Variants in PLPPR5 observed in about 807,000 individuals in gnomAD.
The protein encoded by PLPPR5 is phospholipid phosphatase-related protein type 5.
Under a neutral mutation model 33.9 loss-of-function variants are expected in PLPPR5, and 16 were observed. The ratio of observed to expected loss-of-function variants is 0.47; its 90% CI spans 0.32 to 0.72. The LOEUF (loss-of-function observed/expected upper bound fraction) is 0.72. PLPPR5 is among the 30% of genes least tolerant of loss of function. The pLI is 0.03. For synonymous variants in PLPPR5, 163 were observed against 150.3 expected (o/e 1.08, Z -0.62); for missense variants, 301 against 406.7 (o/e 0.74, Z 2.23).
intron 1 of PLPPR5, among the ~76,000 whole-genome samples, chr1:98,985,229 A>G (rs1418515853): frequency 6.6e-6 from 1 of 152,002 alleles, no homozygotes; most frequent in African/African-American, 2.4e-5. Flanking sequence ...AGGATTGATA[A>G]TAACTGAGTT....
chr1:98,968,379 T>C (rs1373888103), intron 1 of PLPPR5, among the ~76,000 whole-genome samples: 3 of 152,084 alleles, frequency 2.0e-5, no homozygotes, highest in Admixed American at 1.3e-4. Context: ...TTTTCTAAAA[T>C]ACCCATTAGA....
intron 3 of PLPPR5, among the ~76,000 whole-genome samples, chr1:98,946,100 C>G (rs1650539702): frequency 6.6e-6 from 1 of 152,124 alleles, no homozygotes. Flanking sequence ...AATCCAAATC[C>G]AAATCCAAAT....
chr1:98,905,209 G>C (rs7529415), intron 5 of PLPPR5, among the ~76,000 whole-genome samples: 26,269 of 152,056 alleles, frequency 0.17, 2,518 homozygotes, highest in Non-Finnish European at 0.21. Context: ...ATTGCTTACA[G>C]GATAAGAATC....
intron 5 of PLPPR5, among the ~76,000 whole-genome samples, chr1:98,903,361 A>G (rs992311828): frequency 6.6e-6 from 1 of 152,136 alleles, no homozygotes; most frequent in African/African-American, 2.4e-5. Flanking sequence ...GATTTGCATT[A>G]TAGAAAATCA....
chr1:99,005,729 C>T (rs973579857), upstream of PLPPR5, among the ~76,000 whole-genome samples: 1 of 152,182 alleles, frequency 6.6e-6, no homozygotes, highest in African/African-American at 2.4e-5. Context: ...TGCAGGGATT[C>T]CTCAGGGGTC....
chr1:98,978,974 TA>T (rs1651964522), intron 1 of PLPPR5, among the ~76,000 whole-genome samples: 1 of 152,034 alleles, frequency 6.6e-6, no homozygotes. Flanking sequence ...ATTGAGTTGC[TA>T]AAACGCATGT....
At chr1:98,898,734 G>A (rs1648576217) in intron 5 of PLPPR5, among the ~76,000 whole-genome samples, 1 of 152,106 alleles carries the variant, frequency 6.6e-6, no homozygotes, top group African/African-American at 2.4e-5. Context: ...AGTTTTCTTG[G>A]GAAAGGTGAC....
intron 5 of PLPPR5, among the ~76,000 whole-genome samples, chr1:98,905,770 G>A (rs1648872358): frequency 6.6e-6 from 1 of 151,768 alleles, no homozygotes; most frequent in African/African-American, 2.4e-5. Context: ...CTAGTTACTG[G>A]TATATTACTC....
At chr1:98,947,572 GAAAGTATTTTAAAGATTTAA>G (rs1484616710) in intron 3 of PLPPR5, among the ~76,000 whole-genome samples, 8 of 152,148 alleles carry the variant, frequency 5.3e-5, no homozygotes, top group Non-Finnish European at 8.8e-5. Context: ...GATACAATGG[GAAAGTATTTTAAAGATTTAA>G]AAAGTGTTTT....
chr1:98,906,932 A>G lies in PLPPR5; in HGVS notation c.933+7854T>C, dbSNP rs1164017531. Among the ~76,000 whole-genome samples, 3 of 152,178 alleles carry G rather than the reference A, an allele frequency of 2.0e-5. No individual in the cohort carries two copies. In the South Asian group the frequency reaches 6.2e-4, roughly 32 times the overall value. ...TTTCTGTGGTATGTCCTCCATATCT[A>G]TGATCTTTTCTCAGATATCAATTTA... On this transcript the variant is annotated intron_variant, in intron 5 of 5. Transcript: ENST00000263177.
chr1:98,970,744 T>C (rs1358264726), intron 1 of PLPPR5, among the ~76,000 whole-genome samples: 1 of 151,970 alleles, frequency 6.6e-6, no homozygotes, highest in Non-Finnish European at 1.5e-5. Flanking sequence ...TCACAGCTAG[T>C]AAATGACAGA....
intron 1 of PLPPR5, among the ~76,000 whole-genome samples, chr1:98,972,401 T>A (rs949806534): frequency 4.6e-4 from 70 of 152,218 alleles, no homozygotes; most frequent in African/African-American, 1.6e-3. Context: ...TATTAAAATC[T>A]CAATCAAGTT....
At position 99,004,253 on chromosome 1, in the gene PLPPR5, G is replaced by A. The variant is rs1652978961; in HGVS notation, c.237+182C>T. 8.5e-6 allele frequency: 5 copies of A among 585,156 alleles called. No individual in the cohort carries two copies. In the East Asian group the frequency reaches 1.5e-4, roughly 18 times the overall value. 36.2% of individuals were successfully genotyped at this position (585,156 alleles called of 1,614,324 possible). ...GGGGGTGACGTGTGGGAAGAGCTGGGGGCTTCCTTCGCACCCACCCTCACG... is the reference window on the plus strand; with the variant it reads ...GGGGGTGACGTGTGGGAAGAGCTGGAGGCTTCCTTCGCACCCACCCTCACG... On this transcript the variant is annotated intron_variant, in intron 1 of 5. Coordinates refer to ENST00000263177, the MANE Select transcript of PLPPR5 (RefSeq NM_001037317.2).
chr1:98,900,517 A>G (rs943276225), intron 5 of PLPPR5, among the ~76,000 whole-genome samples: 2 of 152,158 alleles, frequency 1.3e-5, no homozygotes, highest in African/African-American at 4.8e-5. Context: ...CATTTCATAT[A>G]TTACGAATCT....
At chr1:98,990,949 G>A (rs1652429129) in intron 1 of PLPPR5, 1 of 152,060 alleles carries the variant, frequency 6.6e-6, no homozygotes, top group Non-Finnish European at 1.5e-5. Context: ...TCAGGATGTG[G>A]TGAGCAAGAA....
intron 1 of PLPPR5, among the ~76,000 whole-genome samples, chr1:98,997,177 C>A (rs1455392430): frequency 3.9e-5 from 6 of 152,224 alleles, no homozygotes; most frequent in African/African-American, 1.4e-4. Context: ...TTATCAAGCA[C>A]TTAGTGCATG....
intron 1 of PLPPR5, among the ~76,000 whole-genome samples, chr1:98,987,624 A>C (rs915601391): frequency 5.1e-4 from 77 of 151,832 alleles, no homozygotes; most frequent in African/African-American, 1.8e-3. Context: ...CATTCAAATA[A>C]ATTCATGGAA....
chr1:98,987,984 A>G (rs955545930), intron 1 of PLPPR5, among the ~76,000 whole-genome samples: 2 of 152,110 alleles, frequency 1.3e-5, no homozygotes, highest in Non-Finnish European at 2.9e-5. Context: ...GAAACTATTC[A>G]TGGGCATTCT....
chr1:98,987,879 C>G (rs1324019486), intron 1 of PLPPR5, among the ~76,000 whole-genome samples: 1 of 151,832 alleles, frequency 6.6e-6, no homozygotes, highest in African/African-American at 2.4e-5. Flanking sequence ...TTCTCTTAAG[C>G]TACCGAAAAT....
Sources: gnomAD v4.1 joint callset for allele counts (sites outside exome capture counted in the v4.1 genomes callset) on GRCh38, gnomAD v4.1.1 for gene constraint, MANE v1.5 for transcripts, NCBI Gene and HGNC (gene_info 2026-07-23, HGNC 2026-07-21) for gene names.